Variants in PARD3 observed in about 807,000 individuals in gnomAD.
PARD3 encodes the protein par-3 family cell polarity regulator.
Under a neutral mutation model 155.4 loss-of-function variants are expected in PARD3, and 75 were observed. The observed-to-expected ratio is 0.48, with a 90% CI of 0.40 to 0.58. The LOEUF (loss-of-function observed/expected upper bound fraction) is 0.58, where lower values mean the gene tolerates loss of function less well. PARD3 is among the 20% of genes least tolerant of loss of function. The pLI, the probability that PARD3 is intolerant of heterozygous loss-of-function variation, is 0.00. For synonymous variants in PARD3, 576 were observed against 610.5 expected (o/e 0.94, Z 0.83); for missense variants, 1,642 against 1,721.7 (o/e 0.95, Z 0.82).
chr10:34,341,739 G>A lies in PARD3; in HGVS notation c.2296C>T (p.Leu766Phe). ...GACTGGTCAGAGAGATGTGGAGGAA[G>A]CACTGGCAACCTGTCATCTTCTATA... ...VIIEDDRLPV[L>F]PPHLSDQSSS... Residue 766 changes from leucine (L) to phenylalanine (F), a missense_variant, in exon 16 of 25, where the codon CTT (leucine) becomes TTT (phenylalanine). Physicochemically the swap from Leu to Phe is conservative, Grantham distance 22. Coordinates refer to ENST00000374788, the MANE Select transcript of PARD3 (RefSeq NM_001184785.2). 1 of 1,613,484 alleles carries A rather than the reference G, an allele frequency of 6.2e-7. No homozygotes were observed. The highest frequency in any genetic ancestry group is 1.7e-4 in the Middle Eastern group (1 of 6,058).
chr10:34,555,251 C>A (rs1182093420), intron 2 of PARD3, among the ~76,000 whole-genome samples: 5 of 152,172 alleles, frequency 3.3e-5, no homozygotes, highest in African/African-American at 1.2e-4. Context: ...ACCTTGCACT[C>A]AATTCTTCTG....
At chr10:34,566,726 A>AT (rs2085971535) in intron 2 of PARD3, among the ~76,000 whole-genome samples, 1 of 152,244 alleles carries the variant, frequency 6.6e-6, no homozygotes, top group Non-Finnish European at 1.5e-5. Flanking sequence ...ATAGAGTTCT[A>AT]TCTAGATACT....
At chr10:34,147,470 A>T (rs1948571599) in intron 22 of PARD3, among the ~76,000 whole-genome samples, 1 of 151,902 alleles carries the variant, frequency 6.6e-6, no homozygotes, top group African/African-American at 2.4e-5. Flanking sequence ...CAAATTTCTA[A>T]AACAAAAACA....
In PARD3 at chr10:34,116,588, A is replaced by G. The variant is rs183065337; in HGVS notation, c.3668+3025T>C. On this transcript the variant is annotated intron_variant, in intron 24 of 24. Coordinates refer to ENST00000374788, the MANE Select transcript of PARD3 (RefSeq NM_001184785.2). ...CTTTGCAAGGCATCAAGCCGAACGC[A>G]GGGTTCTATGTTCCTAATCTCCCTC... Among the ~76,000 whole-genome samples the G allele has an allele frequency of 3.6e-3, 554 of 152,306 alleles. 5 individuals are homozygous for G. Among genetic ancestry groups the G allele is most frequent in the African/African-American group, 0.012 (517 of 41,554 alleles).
At chr10:34,730,543 G>A (rs956802659) in intron 1 of PARD3, among the ~76,000 whole-genome samples, 4 of 152,154 alleles carry the variant, frequency 2.6e-5, no homozygotes, top group Non-Finnish European at 4.4e-5. Context: ...CTACACTTTG[G>A]GAGGCCCAGG....
intron 12 of PARD3, among the ~76,000 whole-genome samples, chr10:34,364,493 G>A (rs1032057694): frequency 2.0e-5 from 3 of 151,714 alleles, no homozygotes; most frequent in Non-Finnish European, 4.4e-5. Context: ...GCAGTGGCAT[G>A]ATCATAGCTC....
intron 2 of PARD3, among the ~76,000 whole-genome samples, chr10:34,556,346 A>G (rs563800133): frequency 2.6e-5 from 4 of 151,748 alleles, no homozygotes; most frequent in East Asian, 1.9e-4. Context: ...TTTAATAGAC[A>G]CAACTGCGCT....
intron 2 of PARD3, among the ~76,000 whole-genome samples, chr10:34,678,395 A>G (rs117421013): frequency 6.6e-6 from 1 of 152,300 alleles, no homozygotes; most frequent in Non-Finnish European, 1.5e-5. Flanking sequence ...TCAGAAAAAA[A>G]TATTTTTAAT....
chr10:34,565,260 CTTTTT>C (rs59606413), intron 2 of PARD3, among the ~76,000 whole-genome samples: 2 of 39,666 alleles, frequency 5.0e-5, no homozygotes, highest in African/African-American at 2.2e-4. Flanking sequence ...AGGAGCAAGG[CTTTTT>C]TTTTTTTTTT....
intron 22 of PARD3, among the ~76,000 whole-genome samples, chr10:34,246,698 TA>T (rs1953971178): frequency 2.0e-5 from 3 of 148,922 alleles, no homozygotes; most frequent in Non-Finnish European, 4.4e-5. Flanking sequence ...CAGGCGGCCG[TA>T]AGATGAACAA....
chr10:34,239,183 T>C (rs1203961074), intron 22 of PARD3, among the ~76,000 whole-genome samples: 1 of 152,236 alleles, frequency 6.6e-6, no homozygotes, highest in Admixed American at 6.5e-5. Flanking sequence ...ACTGGTGAAT[T>C]ACTAAGCTCT....
intron 19 of PARD3, among the ~76,000 whole-genome samples, chr10:34,328,316 A>G (rs1190369712): frequency 6.6e-6 from 1 of 152,128 alleles, no homozygotes; most frequent in Admixed American, 6.5e-5. Context: ...ATGGAAATAG[A>G]TGGGGTGTTT....
chr10:34,726,106 G>T (rs2094705295), intron 1 of PARD3, among the ~76,000 whole-genome samples: 1 of 152,110 alleles, frequency 6.6e-6, no homozygotes, highest in Non-Finnish European at 1.5e-5. Context: ...ACTTCCTAAA[G>T]CTCTTGGCTA....
chr10:34,155,668 ATGTGTGTGTGTGTGTGTGTG>A (rs3039232), intron 22 of PARD3, among the ~76,000 whole-genome samples: 2 of 140,346 alleles, frequency 1.4e-5, no homozygotes, highest in Admixed American at 7.2e-5. Context: ...CCCTCTAAAA[ATGTGTGTGTGTGTGTGTGTG>A]TGTGTGTGTG....
chr10:34,617,187 G>A (rs1336943820), intron 2 of PARD3, among the ~76,000 whole-genome samples: 1 of 151,840 alleles, frequency 6.6e-6, no homozygotes, highest in Non-Finnish European at 1.5e-5. Context: ...CACGGGAGGT[G>A]GAGGCTGCAG....
intron 2 of PARD3, among the ~76,000 whole-genome samples, chr10:34,540,971 C>G (rs187060041): frequency 6.6e-5 from 10 of 152,022 alleles, no homozygotes; most frequent in Admixed American, 3.9e-4. Context: ...ATATAGTCAC[C>G]ATAGCAACTT....
At chr10:34,378,982 TG>T (rs1392247573) in intron 9 of PARD3, among the ~76,000 whole-genome samples, 1 of 152,096 alleles carries the variant, frequency 6.6e-6, no homozygotes, top group East Asian at 1.9e-4. Context: ...CAGGAAAAAC[TG>T]GGGAGATAAT....
At chr10:34,332,148 G>T (rs942786815) in intron 18 of PARD3, among the ~76,000 whole-genome samples, 4 of 152,018 alleles carry the variant, frequency 2.6e-5, no homozygotes, top group African/African-American at 9.7e-5. Flanking sequence ...AGGATGACAG[G>T]GACAAATTCC....
At chr10:34,268,670 T>C (rs1054213142) in intron 22 of PARD3, among the ~76,000 whole-genome samples, 1 of 151,938 alleles carries the variant, frequency 6.6e-6, no homozygotes, top group African/African-American at 2.4e-5. Flanking sequence ...CAGCAAACTA[T>C]TGCAAGGACA....
Sources: gnomAD v4.1 joint callset for allele counts (sites outside exome capture counted in the v4.1 genomes callset) on GRCh38, gnomAD v4.1.1 for gene constraint, MANE v1.5 for transcripts, NCBI Gene and HGNC (gene_info 2026-07-23, HGNC 2026-07-21) for gene names.